Variants in H6PD observed in about 807,000 individuals in gnomAD.
H6PD encodes the protein hexose-6-phosphate dehydrogenase/glucose 1-dehydrogenase, also known as GDH/6PGL endoplasmic bifunctional protein.
In H6PD, 48 loss-of-function variants were observed where a neutral mutation model predicts 61.2. The observed-to-expected ratio is 0.78, with a 90% confidence interval of 0.62 to 1.00. The LOEUF is 1.00. Ranked by LOEUF, H6PD falls within the 50% of genes least tolerant of loss-of-function variation. H6PD has a pLI of 0.00. For missense variants in H6PD, 1,093 were observed against 1,065.0 expected (o/e 1.03, Z -0.37); for synonymous variants, 480 against 457.9 (o/e 1.05, Z -0.62).
At chr1:9,242,301 A>C (rs2100316106) in intron 1 of H6PD, among the ~76,000 whole-genome samples, 1 of 152,258 alleles carries the variant, frequency 6.6e-6, no homozygotes, top group South Asian at 2.1e-4. Flanking sequence ...AGGAAATTCA[A>C]ATGCTCATTA....
intron 1 of H6PD, among the ~76,000 whole-genome samples, chr1:9,242,132 C>A (rs1179788534): frequency 6.6e-6 from 1 of 152,156 alleles, no homozygotes. Flanking sequence ...GCGAGGACCG[C>A]GTGTTTGTTC....
chr1:9,268,147 G>A lies in H6PD; in HGVS notation c.*3278G>A, dbSNP rs1337172747. ...CCAGCTACTCGGGAGTCTGAGGTGG[G>A]AGGATCACCTGAGCCCAGGAGACTG... On this transcript the variant is annotated 3_prime_UTR_variant, in exon 5 of 5. Coordinates refer to ENST00000377403, the MANE Select transcript of H6PD (RefSeq NM_004285.4). The A allele has an allele frequency of 2.6e-5, 4 of 151,698 alleles. No individual in the cohort carries two copies. Among genetic ancestry groups the A allele is most frequent in the Non-Finnish European group, 5.9e-5 (4 of 68,038 alleles). 9.4% of individuals were successfully genotyped at this position (151,698 alleles called of 1,614,324 possible).
chr1:9,235,389 G>T (rs1640824081), intron 1 of H6PD, among the ~76,000 whole-genome samples: 1 of 152,030 alleles, frequency 6.6e-6, no homozygotes. Context: ...CGGATCTAGT[G>T]AACGGTTTTC....
chr1:9,249,362 A>G (rs528018288), intron 3 of H6PD, among the ~76,000 whole-genome samples: 1 of 152,328 alleles, frequency 6.6e-6, no homozygotes, highest in East Asian at 1.9e-4. Context: ...GGAAGATATG[A>G]AAGACAGACA....
At chr1:9,251,360 A>G (rs1000178816) in intron 3 of H6PD, among the ~76,000 whole-genome samples, 2 of 152,202 alleles carry the variant, frequency 1.3e-5, no homozygotes, top group Non-Finnish European at 2.9e-5. Flanking sequence ...GGCCCTCAGC[A>G]GTTGGCCTCC....
intron 1 of H6PD, chr1:9,240,073 A>G (rs768970088): frequency 1.4e-5 from 16 of 1,129,404 alleles, no homozygotes; most frequent in Non-Finnish European, 1.5e-5. Flanking sequence ...AGTTGGAGAC[A>G]GTGAAGGGTG....
chr1:9,262,016 C>G, intron 3 of H6PD, 43 bp from the exon 4 acceptor site: 1 of 1,606,690 alleles, frequency 6.2e-7, no homozygotes, highest in African/African-American at 1.3e-5. Context: ...GATGTTCTGG[C>G]CTCTCTTTAG....
intron 3 of H6PD, among the ~76,000 whole-genome samples, chr1:9,249,489 C>T (rs186532083): frequency 6.6e-6 from 1 of 152,262 alleles, no homozygotes; most frequent in East Asian, 1.9e-4. Flanking sequence ...GCACCTGGAG[C>T]CCTGTTGTCA....
At chr1:9,256,223 G>C (rs1190327558) in intron 3 of H6PD, among the ~76,000 whole-genome samples, 1 of 152,204 alleles carries the variant, frequency 6.6e-6, no homozygotes, top group Non-Finnish European at 1.5e-5. Context: ...ACAAGAACTT[G>C]AAGGCCACAA....
intron 3 of H6PD, among the ~76,000 whole-genome samples, chr1:9,258,091 G>C (rs956633225): frequency 1.3e-5 from 2 of 152,260 alleles, no homozygotes; most frequent in South Asian, 4.1e-4. Flanking sequence ...CGGTGCCTGC[G>C]TGCAGGGTCT....
At chr1:9,249,737 CAG>C (rs1641301268) in intron 3 of H6PD, among the ~76,000 whole-genome samples, 1 of 152,190 alleles carries the variant, frequency 6.6e-6, no homozygotes, top group African/African-American at 2.4e-5. Context: ...CGTTCCTTGT[CAG>C]AGGTGGCCAG....
intron 3 of H6PD, among the ~76,000 whole-genome samples, chr1:9,249,933 C>T (rs905038147): frequency 2.0e-5 from 3 of 152,206 alleles, no homozygotes; most frequent in Non-Finnish European, 4.4e-5. Context: ...CTGCCTCTCT[C>T]AATTTTGTGT....
intron 3 of H6PD, among the ~76,000 whole-genome samples, chr1:9,256,863 C>T (rs1035729310): frequency 1.3e-5 from 2 of 152,066 alleles, no homozygotes; most frequent in Non-Finnish European, 2.9e-5. Context: ...TAGATTATTC[C>T]CTCGCTTCTC....
chr1:9,258,630 C>T (rs535175442), intron 3 of H6PD, among the ~76,000 whole-genome samples: 16 of 149,032 alleles, frequency 1.1e-4, no homozygotes, highest in Non-Finnish European at 1.8e-4. Context: ...GCTGTTATGC[C>T]GGTGTTGTGC....
Position 9,236,367 on chromosome 1 carries a change from A to G in H6PD, c.-11+1301A>G, listed in dbSNP as rs115062261. On this transcript the variant is annotated intron_variant, in intron 1 of 4. Coordinates refer to ENST00000377403, the MANE Select transcript of H6PD (RefSeq NM_004285.4). Reference sequence around the variant, plus strand: ...GTGAAGCTAATGGTTTAATGATAGAAACTAACATTTCTGGCCGGGCCCAGT... The same window carrying G: ...GTGAAGCTAATGGTTTAATGATAGAGACTAACATTTCTGGCCGGGCCCAGT... Among the ~76,000 whole-genome samples, 1,463 of 152,294 alleles carry G rather than the reference A, an allele frequency of 9.6e-3. 27 individuals are homozygous for G. The highest frequency in any genetic ancestry group is 0.033 in the African/African-American group (1,352 of 41,548).
At chr1:9,244,209 A>C (rs1641089739) in intron 1 of H6PD, among the ~76,000 whole-genome samples, 1 of 152,214 alleles carries the variant, frequency 6.6e-6, no homozygotes, top group Non-Finnish European at 1.5e-5. Context: ...TGATAGGTAC[A>C]GGCCTCAGCT....
chr1:9,238,758 C>T (rs893709553), intron 1 of H6PD, among the ~76,000 whole-genome samples: 11 of 151,970 alleles, frequency 7.2e-5, no homozygotes, highest in South Asian at 2.1e-4. Context: ...AGGGGAAGTT[C>T]GGGCTGTAAA....
rs774966768 is a variant in H6PD at position 9,263,646 on chromosome 1, C to T, written c.1153C>T (p.His385Tyr). The T allele has an allele frequency of 1.2e-5, 19 of 1,614,186 alleles. No individual in the cohort carries two copies. The highest frequency in any genetic ancestry group is 1.6e-5 in the Non-Finnish European group (19 of 1,180,040). The change falls in exon 5 of 5, where the codon CAC becomes TAC. Residue 385 changes from histidine to tyrosine, a missense_variant. Transcript: ENST00000377403. Reference protein sequence around the residue: ...NQACCVQSEKHWAAAQSQCLP... With the variant: ...NQACCVQSEKYWAAAQSQCLP... ...GGCCTGCTGTGTGCAGAGCGAAAAG[C>T]ACTGGGCCGCGGCGCAGAGCCAGTG...
chr1:9,236,383 C>T (rs1640849459), intron 1 of H6PD, among the ~76,000 whole-genome samples: 1 of 152,170 alleles, frequency 6.6e-6, no homozygotes, highest in South Asian at 2.1e-4. Flanking sequence ...CATTTCTGGC[C>T]GGGCCCAGTG....
Sources: gnomAD v4.1 joint callset for allele counts (sites outside exome capture counted in the v4.1 genomes callset) on GRCh38, gnomAD v4.1.1 for gene constraint, MANE v1.5 for transcripts, NCBI Gene and HGNC (gene_info 2026-07-23, HGNC 2026-07-21) for gene names.